Variants in ACAD11 observed in about 807,000 individuals in gnomAD.
ACAD11 encodes the protein acyl-Coenzyme A dehydrogenase family, member 11.
Under a neutral mutation model 102.2 loss-of-function variants are expected in ACAD11, and 83 were observed. That is an observed-to-expected ratio of 0.81 (90% CI 0.68 to 0.97). ACAD11 has a LOEUF of 0.97. Among genes scored for constraint, ACAD11 ranks in the 50% least tolerant of loss-of-function variants. ACAD11 has a pLI of 0.00. For missense variants in ACAD11, 901 were observed against 951.7 expected, an observed-to-expected ratio of 0.95 and a Z score of 0.70; for synonymous variants, 324 against 319.8, an observed-to-expected ratio of 1.01 and a Z score of -0.14.
At chr3:132,562,420 A>C (rs1937089869) in intron 17 of ACAD11, among the ~76,000 whole-genome samples, 1 of 152,190 alleles carries the variant, frequency 6.6e-6, no homozygotes, top group African/African-American at 2.4e-5. Flanking sequence ...GTTTCTGTGT[A>C]TTTGTATACG....
At chr3:132,619,076 TA>T (rs1939515544) in intron 10 of ACAD11, 1 of 315,882 alleles carries the variant, frequency 3.2e-6, no homozygotes, top group African/African-American at 2.1e-5. Context: ...CACATTTGAG[TA>T]TGATATGCCA....
intron 5 of ACAD11, among the ~76,000 whole-genome samples, chr3:132,637,013 A>G (rs1940300799): frequency 6.6e-6 from 1 of 152,106 alleles, no homozygotes; most frequent in African/African-American, 2.4e-5. Flanking sequence ...CTAAGAGATG[A>G]AGTTACAGCC....
intron 5 of ACAD11, among the ~76,000 whole-genome samples, chr3:132,635,857 A>G (rs2107874820): frequency 6.6e-6 from 1 of 151,874 alleles, no homozygotes; most frequent in South Asian, 2.1e-4. Context: ...ATATTATACT[A>G]TAAATTTATA....
intron 1 of ACAD11, chr3:132,654,400 T>C (rs1372541814): frequency 6.6e-6 from 1 of 152,190 alleles, no homozygotes. Context: ...CAGCTTACAG[T>C]GAAATCACTG....
At chr3:132,634,565 C>A (rs1940195401) in intron 5 of ACAD11, among the ~76,000 whole-genome samples, 1 of 151,960 alleles carries the variant, frequency 6.6e-6, no homozygotes, top group Admixed American at 6.6e-5. Context: ...GGTATATACC[C>A]AAAGGAGTAT....
chr3:132,567,107 T>A (rs1444324854), intron 17 of ACAD11, among the ~76,000 whole-genome samples: 1 of 152,128 alleles, frequency 6.6e-6, no homozygotes, highest in Non-Finnish European at 1.5e-5. Flanking sequence ...GCCTCCCGAA[T>A]AGCTGGGGTT....
At chr3:132,622,429 C>A (rs1939644137) in intron 9 of ACAD11, among the ~76,000 whole-genome samples, 1 of 152,114 alleles carries the variant, frequency 6.6e-6, no homozygotes, top group Non-Finnish European at 1.5e-5. Flanking sequence ...ATATTCAATG[C>A]TACTGTGTTT....
intron 17 of ACAD11, among the ~76,000 whole-genome samples, chr3:132,569,079 G>A (rs1273274742): frequency 6.6e-6 from 1 of 151,980 alleles, no homozygotes; most frequent in African/African-American, 2.4e-5. Flanking sequence ...TACAGAGTAG[G>A]AGAAAATATT....
At chr3:132,646,252 C>T (rs1436735921) in intron 1 of ACAD11, among the ~76,000 whole-genome samples, 1 of 151,476 alleles carries the variant, frequency 6.6e-6, no homozygotes, top group Non-Finnish European at 1.5e-5. Flanking sequence ...GAGTGAGCCA[C>T]CGCGTCTGGC....
rs971720507 is a variant in ACAD11, at chr3:132,639,532, C to G, written c.662G>C (p.Gly221Ala). ...DNDNEENLIH[G>A]DFRLDNIVFH... The stretch of plus-strand genomic sequence containing the variant: ...AACTATGTTATCTAGTCTGAAATCT[C>G]CATGAATCAAATTCTCTTCATTGTC... Residue 221 changes from glycine to alanine, a missense_variant, in exon 5 of 20, where the codon GGA becomes GCA. By Grantham distance (60) the Gly-to-Ala change is moderately conservative. Transcript: ENST00000264990. 6.2e-6 allele frequency: 10 copies of G among 1,613,808 alleles called. No homozygotes were observed. The South Asian group carries it at 7.7e-5, about 12-fold the overall frequency.
chr3:132,618,553 AAC>A, intron 11 of ACAD11, 79 bp downstream of exon 11: 1 of 1,239,546 alleles, frequency 8.1e-7, no homozygotes, highest in Non-Finnish European at 1.1e-6. Context: ...TTTGTATAAA[AAC>A]ACATTCTTAT....
chr3:132,598,649 T>G (rs1286587672), intron 13 of ACAD11, among the ~76,000 whole-genome samples: 1 of 152,142 alleles, frequency 6.6e-6, no homozygotes, highest in Non-Finnish European at 1.5e-5. Context: ...AATTGGCCCT[T>G]CCAGGGAAGG....
At position 132,558,331 on chromosome 3, in the gene ACAD11, G is replaced by C. The variant is rs1022142647; in HGVS notation, c.*640C>G. 2 of 152,056 alleles carry C rather than the reference G, an allele frequency of 1.3e-5. No homozygotes were observed. The highest frequency in any genetic ancestry group is 4.8e-5 in the African/African-American group (2 of 41,420). 9.4% of individuals were successfully genotyped at this position (152,056 alleles called of 1,614,324 possible). The stretch of plus-strand genomic sequence containing the variant: ...AATTCTCACAACAAACCCTCAGTGG[G>C]TCAGGGTCTTCTAAGATTAAAATGT... On this transcript the variant is annotated 3_prime_UTR_variant, in exon 20 of 20. Coordinates refer to ENST00000264990, the MANE Select transcript of ACAD11 (RefSeq NM_032169.5).
Position 132,575,823 on chromosome 3 carries a change from C to A in ACAD11, c.1950G>T (p.Met650Ile), listed in dbSNP as rs769662658. 1 of 1,614,072 alleles carries A rather than the reference C, an allele frequency of 6.2e-7. No individual in the cohort carries two copies. The highest frequency in any genetic ancestry group is 1.1e-5 in the South Asian group (1 of 91,072). ...CTATCCTTTGTGTTGCCCGCTCACA[C>A]ATGATCTGCAAAGCGCGTTCCGCCA... ...VGLAERALQI[M>I]CERATQRIAF... The change falls in exon 17 of 20, where the codon ATG (methionine) becomes ATT (isoleucine). Residue 650 changes from methionine to isoleucine, a missense_variant. Transcript: ENST00000264990.
chr3:132,616,613 T>C (rs1317396906), intron 11 of ACAD11, among the ~76,000 whole-genome samples: 5 of 152,170 alleles, frequency 3.3e-5, no homozygotes, highest in Non-Finnish European at 7.3e-5. Context: ...TCTGAACATA[T>C]ACATACACCT....
At chr3:132,583,504 C>CT in intron 13 of ACAD11, among the ~76,000 whole-genome samples, 1 of 152,256 alleles carries the variant, frequency 6.6e-6, no homozygotes, top group South Asian at 2.1e-4. Context: ...AAACCAGCTC[C>CT]TGGATTCACT....
At chr3:132,644,442 C>T (rs1043831061) in intron 2 of ACAD11, among the ~76,000 whole-genome samples, 2 of 152,030 alleles carry the variant, frequency 1.3e-5, no homozygotes, top group Admixed American at 1.3e-4. Flanking sequence ...TGAGTAGATA[C>T]TATTACATAT....
intron 17 of ACAD11, among the ~76,000 whole-genome samples, chr3:132,565,457 T>C (rs929069892): frequency 6.6e-6 from 1 of 152,170 alleles, no homozygotes; most frequent in African/African-American, 2.4e-5. Context: ...ATGCCACTCC[T>C]TTCTCTGACA....
intron 13 of ACAD11, among the ~76,000 whole-genome samples, chr3:132,599,264 T>C (rs746878222): frequency 6.6e-6 from 1 of 152,018 alleles, no homozygotes; most frequent in Non-Finnish European, 1.5e-5. Context: ...TCCCAGCACT[T>C]TGGGAGGCCG....
Sources: gnomAD v4.1 joint callset for allele counts (sites outside exome capture counted in the v4.1 genomes callset) on GRCh38, gnomAD v4.1.1 for gene constraint, MANE v1.5 for transcripts, NCBI Gene and HGNC (gene_info 2026-07-23, HGNC 2026-07-21) for gene names.